The following FBXL17 variants were observed in gnomAD, a reference collection of about 807,000 sequenced individuals.
The protein encoded by FBXL17 is F-box and leucine rich repeat protein 17.
In FBXL17, 22 loss-of-function variants were observed where a neutral mutation model predicts 66.2. The observed-to-expected ratio is 0.33, with a 90% CI of 0.24 to 0.47. The LOEUF (loss-of-function observed/expected upper bound fraction) is 0.47. Among genes scored for constraint, FBXL17 ranks in the 20% least tolerant of loss-of-function variants. FBXL17 has a pLI of 1.00. For synonymous variants in FBXL17, 474 were observed against 400.5 expected (o/e 1.18, Z -2.19); for missense variants, 878 against 948.2 (o/e 0.93, Z 0.97).
chr5:107,946,255 T>TTTTATATA (rs1208616623), intron 7 of FBXL17, among the ~76,000 whole-genome samples: 11 of 40,384 alleles, frequency 2.7e-4, no homozygotes, highest in Non-Finnish European at 4.0e-4. Context: ...CAATCTCATT[T>TTTTATATA]TATATATATA....
At chr5:108,003,195 C>A (rs1230905411) in intron 7 of FBXL17, among the ~76,000 whole-genome samples, 1 of 152,190 alleles carries the variant, frequency 6.6e-6, no homozygotes, top group Non-Finnish European at 1.5e-5. Context: ...GAAAAAATAT[C>A]TCCTCTGAGA....
intron 7 of FBXL17, among the ~76,000 whole-genome samples, chr5:107,973,229 G>T (rs1343271936): frequency 6.6e-6 from 1 of 152,148 alleles, no homozygotes; most frequent in East Asian, 1.9e-4. Context: ...AGCCTTTTCA[G>T]CCTTGTTTTA....
In FBXL17 at chr5:108,064,323, C is replaced by A. The variant is rs562576820; in HGVS notation, c.1746-43322G>T. 2.0e-5 allele frequency among the ~76,000 whole-genome samples: 3 copies of A among 152,268 alleles called. No individual in the cohort carries two copies. The South Asian group carries it at 6.2e-4, about 32-fold the overall frequency. On this transcript the variant is annotated intron_variant, in intron 6 of 8. Transcript: ENST00000542267. ...ATTTGTAATGTAGATAATGAGCAGT[C>A]ATTTTCCCACTTCTCTTGGGATTTG... is the stretch of plus-strand genomic sequence containing the variant.
At chr5:108,094,401 A>T (rs1749295473) in intron 6 of FBXL17, among the ~76,000 whole-genome samples, 1 of 152,168 alleles carries the variant, frequency 6.6e-6, no homozygotes, top group South Asian at 2.1e-4. Flanking sequence ...GGTTTCCTTC[A>T]TACAAATGCC....
intron 6 of FBXL17, among the ~76,000 whole-genome samples, chr5:108,132,801 T>C (rs888413865): frequency 1.3e-4 from 20 of 152,188 alleles, no homozygotes; most frequent in African/African-American, 4.3e-4. Flanking sequence ...TGTGAAAACA[T>C]CACTATGACC....
At chr5:108,031,066 G>A (rs553442033) in intron 6 of FBXL17, among the ~76,000 whole-genome samples, 41 of 152,102 alleles carry the variant, frequency 2.7e-4, no homozygotes, top group African/African-American at 5.3e-4. Flanking sequence ...ATGACATATC[G>A]CACTCTGAAA....
chr5:108,381,582 G>T lies in FBXL17; in HGVS notation c.110C>A (p.Thr37Asn). 6.9e-7 allele frequency: 1 copy of T among 1,454,758 alleles called. No homozygotes were observed. 90.1% of individuals were successfully genotyped at this position (1,454,758 alleles called of 1,614,324 possible). A position where few individuals can be genotyped will look rare whatever the true frequency, so the allele number is the denominator to read the frequency against. The part of the protein sequence containing the change: ...RRPLLRLPRR[T>N]PAKVPPQPAA... ...CGGCTGAGGGGGCACCTTGGCTGGGGTCCGGCGGGGCAGCCTGAGGAGAGG... is the reference window on the plus strand; with the variant it reads ...CGGCTGAGGGGGCACCTTGGCTGGGTTCCGGCGGGGCAGCCTGAGGAGAGG... The change falls in exon 1 of 9, where the codon ACC becomes AAC. Residue 37 changes from threonine to asparagine, a missense_variant. Transcript: ENST00000542267.
At chr5:108,096,904 G>C (rs1749389217) in intron 6 of FBXL17, among the ~76,000 whole-genome samples, 1 of 152,220 alleles carries the variant, frequency 6.6e-6, no homozygotes, top group Non-Finnish European at 1.5e-5. Context: ...GTGTTGAAGA[G>C]TGAAAGAGTG....
chr5:108,043,115 T>C (rs1396069750), intron 6 of FBXL17, among the ~76,000 whole-genome samples: 1 of 152,216 alleles, frequency 6.6e-6, no homozygotes, highest in African/African-American at 2.4e-5. Flanking sequence ...CTATATGCGA[T>C]ACGTTAGTCA....
intron 7 of FBXL17, among the ~76,000 whole-genome samples, chr5:107,899,821 G>A (rs1749511993): frequency 6.6e-6 from 1 of 152,124 alleles, no homozygotes; most frequent in African/African-American, 2.4e-5. Flanking sequence ...AGGAGGGGGA[G>A]TGAGGGTTGA....
intron 4 of FBXL17, among the ~76,000 whole-genome samples, chr5:108,293,083 G>C (rs1476426854): frequency 1.7e-4 from 17 of 102,590 alleles, no homozygotes; most frequent in Non-Finnish European, 1.8e-5. Context: ...GCAAGACTCT[G>C]TCTCAAAAAA....
intron 4 of FBXL17, among the ~76,000 whole-genome samples, chr5:108,278,737 G>A (rs776046076): frequency 3.3e-5 from 5 of 152,184 alleles, no homozygotes; most frequent in Non-Finnish European, 7.3e-5. Context: ...CCTCCCTGTG[G>A]CTGGACCTCA....
At chr5:108,247,919 A>C (rs1756177085) in intron 4 of FBXL17, among the ~76,000 whole-genome samples, 1 of 152,212 alleles carries the variant, frequency 6.6e-6, no homozygotes, top group African/African-American at 2.4e-5. Context: ...GACATTATTT[A>C]TAAAACAAAC....
chr5:108,219,938 T>C (rs1754785642), intron 5 of FBXL17, among the ~76,000 whole-genome samples: 1 of 146,564 alleles, frequency 6.8e-6, no homozygotes, highest in Admixed American at 6.8e-5. Context: ...CTTTTTTTTT[T>C]TTTTTTTTTT....
intron 7 of FBXL17, among the ~76,000 whole-genome samples, chr5:108,018,901 G>C (rs757683583): frequency 9.9e-5 from 15 of 152,092 alleles, no homozygotes; most frequent in Non-Finnish European, 2.2e-4. Context: ...TTTTAGGTGA[G>C]GCTTATACGT....
At chr5:108,103,062 A>G (rs1367747574) in intron 6 of FBXL17, among the ~76,000 whole-genome samples, 1 of 152,234 alleles carries the variant, frequency 6.6e-6, no homozygotes, top group African/African-American at 2.4e-5. Context: ...TACTTTGAAA[A>G]TATGTATAAC....
At chr5:107,997,633 T>A (rs1238057800) in intron 7 of FBXL17, among the ~76,000 whole-genome samples, 1 of 152,220 alleles carries the variant, frequency 6.6e-6, no homozygotes, top group Non-Finnish European at 1.5e-5. Flanking sequence ...GTTTCCTTTT[T>A]CTTTCTCTGT....
intron 6 of FBXL17, among the ~76,000 whole-genome samples, chr5:108,050,317 A>T (rs980190039): frequency 2.0e-5 from 3 of 152,176 alleles, no homozygotes; most frequent in African/African-American, 7.2e-5. Flanking sequence ...ATTGGAAGTA[A>T]AGCACTCCTC....
chr5:108,125,343 T>C (rs1302260696), intron 6 of FBXL17, among the ~76,000 whole-genome samples: 1 of 152,044 alleles, frequency 6.6e-6, no homozygotes, highest in East Asian at 1.9e-4. Flanking sequence ...ACATTAGGGC[T>C]TTCTCTGCTT....
Sources: gnomAD v4.1 joint callset for allele counts (sites outside exome capture counted in the v4.1 genomes callset) on GRCh38, gnomAD v4.1.1 for gene constraint, MANE v1.5 for transcripts, NCBI Gene and HGNC (gene_info 2026-07-23, HGNC 2026-07-21) for gene names.